CEP126: variants seen among roughly 807,000 people sequenced by gnomAD.
CEP126 encodes the protein centrosomal protein of 126 kDa.
CEP126 carries 74 observed loss-of-function variants against 107.8 expected under a neutral mutation model. The ratio of observed to expected loss-of-function variants is 0.69; its 90% confidence interval spans 0.57 to 0.83. The LOEUF is 0.83. Ranked by LOEUF, CEP126 falls within the 40% of genes least tolerant of loss-of-function variation. The pLI is 0.00. For synonymous variants in CEP126, 449 were observed against 446.0 expected (o/e 1.01, Z -0.08); for missense variants, 1,237 against 1,281.9 (o/e 0.96, Z 0.53).
intron 4 of CEP126, chr11:101,955,884 T>C: frequency 2.2e-6 from 1 of 456,296 alleles, no homozygotes; most frequent in Admixed American, 2.4e-5. Flanking sequence ...TCCCACCACT[T>C]CCAAATTCTT....
At chr11:101,974,613 T>G (rs989799456) in intron 6 of CEP126, among the ~76,000 whole-genome samples, 12 of 152,146 alleles carry the variant, frequency 7.9e-5, no homozygotes, top group African/African-American at 2.9e-4. Flanking sequence ...TACTACAGAT[T>G]TTTTTAAATA....
intron 2 of CEP126, among the ~76,000 whole-genome samples, chr11:101,942,943 T>A (rs1346121338): frequency 6.6e-6 from 1 of 152,112 alleles, no homozygotes; most frequent in Non-Finnish European, 1.5e-5. Flanking sequence ...AACTGGTTTA[T>A]ATGTGTTGAT....
At chr11:101,956,474 C>G in intron 4 of CEP126, 1 of 456,566 alleles carries the variant, frequency 2.2e-6, no homozygotes, top group South Asian at 1.5e-5. Flanking sequence ...CTTTGCAGAT[C>G]ATCCACCAGC....
chr11:101,968,721 C>T (rs558076345), intron 6 of CEP126, among the ~76,000 whole-genome samples: 1 of 152,164 alleles, frequency 6.6e-6, no homozygotes, highest in Non-Finnish European at 1.5e-5. Flanking sequence ...ATAAGCCCAC[C>T]AGGGGCTTAG....
chr11:101,935,716 A>G (rs1220298636), intron 2 of CEP126, among the ~76,000 whole-genome samples: 5 of 152,078 alleles, frequency 3.3e-5, no homozygotes, highest in African/African-American at 1.2e-4. Flanking sequence ...TTATTGTAGC[A>G]TTATAGCAGG....
rs1435807421 is a variant in CEP126 at position 101,958,252 on chromosome 11, G to A, written c.591G>A (p.Glu197=). The A allele has an allele frequency of 5.6e-6, 9 of 1,613,824 alleles. No homozygotes were observed. The highest frequency in any genetic ancestry group is 1.7e-5 in the Admixed American group (1 of 59,994). The part of the protein sequence containing the change: ...QKQLLSKINC[E]KEMNENMRAT... ...AACTCTTATCCAAAATCAATTGTGA[G>A]AAAGAAATGAATGAAAACATGAGGG... The change falls in exon 5 of 11, where the codon GAG becomes GAA. Residue 197 remains glutamate, a synonymous_variant. Transcript: ENST00000263468.
chr11:101,966,858 G>A (rs985789034), intron 6 of CEP126, among the ~76,000 whole-genome samples: 1 of 151,860 alleles, frequency 6.6e-6, no homozygotes, highest in Non-Finnish European at 1.5e-5. Flanking sequence ...AAGGTTTGGG[G>A]TATGGATCCT....
At chr11:101,918,999 T>G (rs560024999) in intron 1 of CEP126, among the ~76,000 whole-genome samples, 32 of 152,316 alleles carry the variant, frequency 2.1e-4, no homozygotes, top group African/African-American at 7.2e-4. Context: ...AGAAATAAAG[T>G]TGAAAAAACA....
intron 9 of CEP126, among the ~76,000 whole-genome samples, chr11:101,991,873 CAG>C (rs1290384749): frequency 1.3e-5 from 2 of 152,144 alleles, no homozygotes; most frequent in Non-Finnish European, 2.9e-5. Flanking sequence ...AGTCTAAAAA[CAG>C]ATAAACCTAA....
intron 3 of CEP126, among the ~76,000 whole-genome samples, chr11:101,946,324 A>G (rs889998863): frequency 1.3e-5 from 2 of 151,694 alleles, no homozygotes; most frequent in Admixed American, 6.6e-5. Context: ...CCTGGGCAAC[A>G]TGATGAAACT....
chr11:101,981,732 ATTC>A (rs2137127111), intron 7 of CEP126, among the ~76,000 whole-genome samples, 154 bp from the exon 8 acceptor site: 1 of 152,338 alleles, frequency 6.6e-6, no homozygotes, highest in East Asian at 1.9e-4. Context: ...TATTATAATA[ATTC>A]TTGTATTCAG....
chr11:101,958,747 C>T (rs984762819), intron 5 of CEP126, among the ~76,000 whole-genome samples: 1 of 152,078 alleles, frequency 6.6e-6, no homozygotes, highest in Non-Finnish European at 1.5e-5. Context: ...GCTGATTTTC[C>T]TACATGTCCA....
rs1315394631 is a variant in CEP126, at chr11:101,962,689, A to G, written c.1654A>G (p.Asn552Asp). Residue 552 changes from asparagine to aspartate, a missense_variant, in exon 6 of 11, where the codon AAT becomes GAT. Asn to Asp is a conservative substitution (Grantham distance 23). Around this residue, in one of 3 missense-constraint regions of CEP126, gnomAD observed 1,134 missense variants for 1,150.5 expected, o/e 0.99. Transcript: ENST00000263468. ...ETSSLSNVTS[N>D]YDFVGQHKKM... ...ATCATCCTTGTCTAATGTAACTTCT[A>G]ATTATGACTTTGTTGGCCAGCATAA... The G allele has an allele frequency of 2.5e-6, 4 of 1,613,116 alleles. No individual in the cohort carries two copies. Among genetic ancestry groups the G allele is most frequent in the South Asian group, 1.1e-5 (1 of 90,762 alleles).
chr11:101,989,455 T>A (rs1941351382), intron 9 of CEP126, among the ~76,000 whole-genome samples: 1 of 152,070 alleles, frequency 6.6e-6, no homozygotes, highest in East Asian at 1.9e-4. Context: ...ATCCCCCGGG[T>A]GGCAAAAATC....
intron 5 of CEP126, 113 bp from the exon 6 acceptor site, chr11:101,961,628 C>A: frequency 1.7e-6 from 1 of 588,816 alleles, no homozygotes; most frequent in Non-Finnish European, 2.9e-6. Flanking sequence ...TGTTTATAGT[C>A]ATACTACTCT....
chr11:101,938,135 G>A, intron 2 of CEP126, among the ~76,000 whole-genome samples: 1 of 93,238 alleles, frequency 1.1e-5, no homozygotes, highest in Admixed American at 1.1e-4. Flanking sequence ...AGTCCGGCCT[G>A]GGCGACAGAG....
Position 101,963,188 on chromosome 11 carries a change from G to T in CEP126, c.2153G>T (p.Gly718Val), listed in dbSNP as rs1591285400. ...CCTTTGAACTGTTTTATACCTTCAG[G>T]TTATAACTTTGCTAAACATGCCTGG... is the stretch of plus-strand genomic sequence containing the variant. The part of the protein sequence containing the change: ...HMPLNCFIPS[G>V]YNFAKHAWPA... The change falls in exon 6 of 11, where the codon GGT (glycine) becomes GTT (valine). Residue 718 changes from glycine to valine, a missense_variant. Physicochemically the swap from Gly to Val is moderately radical, Grantham distance 109. Coordinates refer to ENST00000263468, the MANE Select transcript of CEP126 (RefSeq NM_020802.4). 1 of 1,613,956 alleles carries T rather than the reference G, an allele frequency of 6.2e-7. No individual in the cohort carries two copies. Among genetic ancestry groups the T allele is most frequent in the Non-Finnish European group, 8.5e-7 (1 of 1,179,996 alleles).
intron 4 of CEP126, among the ~76,000 whole-genome samples, chr11:101,953,916 G>A (rs569916525): frequency 6.6e-6 from 1 of 152,024 alleles, no homozygotes; most frequent in Non-Finnish European, 1.5e-5. Context: ...TTCTAAACCA[G>A]TTAATGTAGA....
intron 10 of CEP126, among the ~76,000 whole-genome samples, chr11:101,994,335 G>T (rs1941418199): frequency 6.6e-6 from 1 of 152,206 alleles, no homozygotes; most frequent in Non-Finnish European, 1.5e-5. Flanking sequence ...CTACTCTGTT[G>T]ATAGTTTACT....
Sources: allele counts gnomAD v4.1 joint callset (sites outside exome capture counted in the v4.1 genomes callset), GRCh38; gene constraint gnomAD v4.1.1; regional missense constraint gnomAD v4.1.1; transcripts MANE v1.5; gene names NCBI Gene and HGNC (gene_info 2026-07-23, HGNC 2026-07-21).